The following CREB3L4 variants were observed in gnomAD, a reference collection of about 807,000 sequenced individuals.
The protein encoded by CREB3L4 is cAMP responsive element binding protein 3 like 4.
In CREB3L4, 28 loss-of-function variants were observed where a neutral mutation model predicts 37.0. The observed-to-expected ratio is 0.76, with a 90% CI of 0.56 to 1.04. The LOEUF (loss-of-function observed/expected upper bound fraction) is 1.04. Ranked by LOEUF, CREB3L4 falls within the 50% of genes least tolerant of loss-of-function variation. The pLI, the probability that CREB3L4 is intolerant of heterozygous loss-of-function variation, is 0.00. For missense variants in CREB3L4, 462 were observed against 486.0 expected, an observed-to-expected ratio of 0.95 and a Z score of 0.46; for synonymous variants, 175 against 192.2, an observed-to-expected ratio of 0.91 and a Z score of 0.74.
At position 153,968,952 on chromosome 1, in the gene CREB3L4, A is replaced by C; in HGVS notation, c.197A>C (p.Glu66Ala). Residue 66 changes from glutamate (E) to alanine (A), a missense_variant, in exon 3 of 10, where the codon GAA becomes GCA. By Grantham distance (107) the Glu-to-Ala change is moderately radical. Transcript: ENST00000368607. ...TAGGGCCTTCAAGAGAGTGAGCCTGAAGATTTCTTGAAGCTTTTCATTGAT... is the reference window on the plus strand; with the variant it reads ...TAGGGCCTTCAAGAGAGTGAGCCTGCAGATTTCTTGAAGCTTTTCATTGAT... ...RGCGLQESEP[E>A]DFLKLFIDPN... The C allele has an allele frequency of 6.2e-7, 1 of 1,612,856 alleles. No homozygotes were observed. Among genetic ancestry groups the C allele is most frequent in the Admixed American group, 1.7e-5 (1 of 59,836 alleles).
intron 4 of CREB3L4, among the ~76,000 whole-genome samples, chr1:153,972,077 C>T (rs577852863): frequency 6.6e-6 from 1 of 152,326 alleles, no homozygotes; most frequent in Admixed American, 6.5e-5. Context: ...CCCACCTTGG[C>T]CTCCTAAAGT....
chr1:153,972,864 A>T (rs1648520889), intron 5 of CREB3L4, 28 bp downstream of exon 5: 1 of 1,607,126 alleles, frequency 6.2e-7, no homozygotes. Flanking sequence ...AGGGTATCCC[A>T]ACCCAGGGGC....
At position 153,969,097 on chromosome 1, in the gene CREB3L4, G is replaced by A; in HGVS notation, c.342G>A (p.Glu114=). 6.2e-7 allele frequency: 1 copy of A among 1,614,194 alleles called. No homozygotes were observed. The highest frequency in any genetic ancestry group is 8.5e-7 in the Non-Finnish European group (1 of 1,180,024). The change falls in exon 3 of 10, where the codon GAG becomes GAA. Residue 114 remains glutamate, a synonymous_variant. Transcript: ENST00000368607. ...PRATSSPMLY[E]VVYEAGALER... Reference sequence around the variant, plus strand: ...CAACCAGTTCTCCTATGCTCTATGAGGTTGTCTATGAGGCAGGGGCCCTGG... The same window carrying A: ...CAACCAGTTCTCCTATGCTCTATGAAGTTGTCTATGAGGCAGGGGCCCTGG...
chr1:153,973,518 C>T (rs1033046639), intron 8 of CREB3L4, 54 bp downstream of exon 8: 16 of 1,580,402 alleles, frequency 1.0e-5, no homozygotes, highest in African/African-American at 6.7e-5. Flanking sequence ...CCTTATACCC[C>T]GACTACCCGG....
At chr1:153,973,539 T>G in intron 8 of CREB3L4, 75 bp downstream of exon 8, 1 of 1,562,736 alleles carries the variant, frequency 6.4e-7, no homozygotes, top group Non-Finnish European at 8.8e-7. Flanking sequence ...CCAGATCTAC[T>G]TCCCACATCC....
chr1:153,973,805 C>A, intron 9 of CREB3L4, 67 bp from the exon 10 acceptor site: 1 of 1,570,318 alleles, frequency 6.4e-7, no homozygotes, highest in Non-Finnish European at 8.7e-7. Flanking sequence ...GAGGGAGGTC[C>A]TGTCCTGTCT....
intron 2 of CREB3L4, 36 bp downstream of exon 2, chr1:153,968,735 G>A: frequency 6.2e-7 from 1 of 1,611,976 alleles, no homozygotes; most frequent in South Asian, 1.1e-5. Flanking sequence ...GTGGGGTTGA[G>A]ACACAACTCT....
In CREB3L4 at chr1:153,973,640, T is replaced by G; in HGVS notation, c.918T>G (p.Ala306=). 6.2e-6 allele frequency: 10 copies of G among 1,612,090 alleles called. No homozygotes were observed. The highest frequency in any genetic ancestry group is 1.1e-5 in the South Asian group (1 of 90,602). Residue 306 remains alanine (A), a synonymous_variant, in exon 9 of 10, where the codon GCT becomes GCG. Transcript: ENST00000368607. ...CCCAGATTCTTCTTTTTTCCCTGGCTCTCATCATCCTGCCCAGCTTCAGTC... is the reference window on the plus strand; with the variant it reads ...CCCAGATTCTTCTTTTTTCCCTGGCGCTCATCATCCTGCCCAGCTTCAGTC... ...TCVLILLFSL[A]LIILPSFSPF...
intron 3 of CREB3L4, 67 bp from the exon 4 acceptor site, chr1:153,969,267 C>G: frequency 6.2e-7 from 1 of 1,613,890 alleles, no homozygotes. Context: ...GTGCCACTAC[C>G]CAGGCCCTGC....
At chr1:153,971,967 C>T (rs1349636433) in intron 4 of CREB3L4, among the ~76,000 whole-genome samples, 2 of 152,248 alleles carry the variant, frequency 1.3e-5, no homozygotes, top group East Asian at 1.9e-4. Flanking sequence ...GGATTACAAG[C>T]ACCCACCACC....
chr1:153,968,444 G>A lies in CREB3L4; in HGVS notation c.-4-78G>A, dbSNP rs935954613. ...GGGGATAATGGAAAAGGGAGCAGAG[G>A]AGCCCAGAAACTGTAGGGGGTAGTA... On this transcript the variant is annotated intron_variant, in intron 1 of 9. Coordinates refer to ENST00000368607, the MANE Select transcript of CREB3L4 (RefSeq NM_001255978.2). The A allele has an allele frequency of 2.1e-5, 28 of 1,352,988 alleles. No homozygotes were observed. The African/African-American group carries it at 3.5e-4, about 17-fold the overall frequency. 83.8% of individuals were successfully genotyped at this position (1,352,988 alleles called of 1,614,324 possible).
rs754900966 is a variant in CREB3L4 at position 153,973,651 on chromosome 1, TGCCCA to T, written c.932_936del (p.Pro311LeufsTer13). On this transcript the variant is annotated frameshift_variant, in exon 9 of 10. Coordinates refer to ENST00000368607, the MANE Select transcript of CREB3L4 (RefSeq NM_001255978.2). LOFTEE classifies it high-confidence loss of function. ...CTTTTTTCCCTGGCTCTCATCATCC[TGCCCA>T]GCTTCAGTCCATTCCAGAGTCGACC... The T allele has an allele frequency of 6.2e-7, 1 of 1,611,978 alleles. No individual in the cohort carries two copies. The highest frequency in any genetic ancestry group is 8.5e-7 in the Non-Finnish European group (1 of 1,178,954).
chr1:153,973,853 T>C lies in CREB3L4; in HGVS notation c.995-19T>C, dbSNP rs1371467900. On this transcript the variant is annotated intron_variant, in intron 9 of 9. Coordinates refer to ENST00000368607, the MANE Select transcript of CREB3L4 (RefSeq NM_001255978.2). ...CCAGGGGAGCACTCTACTACTGCCCTCTTGCCTTCACCTCACAGTGACTTC... is the reference window on the plus strand; with the variant it reads ...CCAGGGGAGCACTCTACTACTGCCCCCTTGCCTTCACCTCACAGTGACTTC... 2 of 1,612,874 alleles carry C rather than the reference T, an allele frequency of 1.2e-6. No homozygotes were observed. The highest frequency in any genetic ancestry group is 1.7e-6 in the Non-Finnish European group (2 of 1,179,224).
intron 4 of CREB3L4, 80 bp from the exon 5 acceptor site, chr1:153,972,664 T>TG (rs906070168): frequency 1.8e-6 from 2 of 1,112,696 alleles, no homozygotes; most frequent in African/African-American, 1.5e-5. Flanking sequence ...AGAAGGCATG[T>TG]GGGGGGAGTA....
At chr1:153,971,593 T>C (rs1426545206) in intron 4 of CREB3L4, among the ~76,000 whole-genome samples, 36 of 148,856 alleles carry the variant, frequency 2.4e-4, no homozygotes, top group East Asian at 7.9e-4. Flanking sequence ...TTTTCTTTTT[T>C]TTTTTTTTTT....
chr1:153,973,411 A>G lies in CREB3L4; in HGVS notation c.844A>G (p.Thr282Ala). The change falls in exon 8 of 10, where the codon ACG becomes GCG. Residue 282 changes from threonine (T) to alanine (A), a missense_variant. Coordinates refer to ENST00000368607, the MANE Select transcript of CREB3L4 (RefSeq NM_001255978.2). Reference sequence around the variant, plus strand: ...GGTAGCTCAGCTCCGCCAGCTGCAGACGCTAATTGCTCAAACTTCCAACAA... The same window carrying G: ...GGTAGCTCAGCTCCGCCAGCTGCAGGCGCTAATTGCTCAAACTTCCAACAA... ...SLVAQLRQLQ[T>A]LIAQTSNKAA... 1 of 1,614,102 alleles carries G rather than the reference A, an allele frequency of 6.2e-7. No homozygotes were observed. The highest frequency in any genetic ancestry group is 8.5e-7 in the Non-Finnish European group (1 of 1,180,026).
At position 153,969,324 on chromosome 1, in the gene CREB3L4, T is replaced by C. The variant is rs1286077708; in HGVS notation, c.422-10T>C. 17 of 1,614,118 alleles carry C rather than the reference T, an allele frequency of 1.1e-5. No homozygotes were observed. Among genetic ancestry groups the C allele is most frequent in the Non-Finnish European group, 1.4e-5 (17 of 1,180,048 alleles). On this transcript the variant is annotated splice_polypyrimidine_tract_variant and intron_variant, in intron 3 of 9. Transcript: ENST00000368607. ...TCTCCTTTCTCCCAGCTACCTGTTT[T>C]CTACTCCAGATCAGTGGAGCCCAGC...
chr1:153,971,097 G>A (rs569718679), intron 4 of CREB3L4, among the ~76,000 whole-genome samples: 22 of 148 alleles, frequency 0.15, no homozygotes, highest in Admixed American at 0.31. Context: ...CCGGCCGGGC[G>A]CGGTGCTCAT....
At chr1:153,969,742 C>G in intron 4 of CREB3L4, 1 of 367,088 alleles carries the variant, frequency 2.7e-6, no homozygotes, top group South Asian at 2.5e-5. Context: ...TCCTGAGTAG[C>G]TGGGACTACA....
Sources: allele counts gnomAD v4.1 joint callset (sites outside exome capture counted in the v4.1 genomes callset), GRCh38; gene constraint gnomAD v4.1.1; transcripts MANE v1.5; gene names NCBI Gene and HGNC (gene_info 2026-07-23, HGNC 2026-07-21).